The following DMD variants were observed in gnomAD, a reference collection of about 807,000 sequenced individuals.
The protein encoded by DMD is mutant dystrophin.
Under a neutral mutation model 330.1 loss-of-function variants are expected in DMD, and 63 were observed. That is an observed-to-expected ratio of 0.19 (90% confidence interval 0.16 to 0.24). The LOEUF (loss-of-function observed/expected upper bound fraction) is 0.24. Among genes scored for constraint, DMD ranks in the 10% least tolerant of loss-of-function variants. The pLI, the probability that DMD is intolerant of heterozygous loss-of-function variation, is 1.00. For missense variants in DMD, 3,344 were observed against 2,684.1 expected (o/e 1.25, Z -5.43); for synonymous variants, 1,223 against 959.8 (o/e 1.27, Z -5.07).
At chrX:32,523,396 A>T (rs928648593) in intron 17 of DMD, among the ~76,000 whole-genome samples, 1 of 112,099 alleles carries the variant, frequency 8.9e-6, no homozygotes, top group Non-Finnish European at 1.9e-5. Flanking sequence ...AGCCAGAATT[A>T]TAACTCTGTA....
At chrX:31,460,375 G>A (rs73212366) in intron 59 of DMD, among the ~76,000 whole-genome samples, 10,269 of 111,380 alleles carry the variant, frequency 0.092, 353 homozygotes, top group East Asian at 0.19. Flanking sequence ...TGGAGAAGCT[G>A]TTAGCTATTC....
intron 60 of DMD, among the ~76,000 whole-genome samples, chrX:31,439,331 G>T (rs892135197): frequency 6.3e-5 from 7 of 111,301 alleles, no homozygotes; most frequent in Non-Finnish European, 9.4e-5. Flanking sequence ...TGTCTTCTAG[G>T]TACACAGTAG....
chrX:33,134,441 A>G (rs1367026095), intron 1 of DMD, among the ~76,000 whole-genome samples: 1 of 112,357 alleles, frequency 8.9e-6, no homozygotes, highest in Non-Finnish European at 1.9e-5. Context: ...GTTCGCAGAC[A>G]TACTGCAGAA....
At chrX:32,679,267 A>G (rs1384756685) in intron 9 of DMD, among the ~76,000 whole-genome samples, 2 of 111,831 alleles carry the variant, frequency 1.8e-5, no homozygotes, top group Non-Finnish European at 3.8e-5. Context: ...AGGAAAGAAT[A>G]AAGATCAGAA....
intron 55 of DMD, among the ~76,000 whole-genome samples, chrX:31,516,948 A>T (rs776176941): frequency 2.7e-5 from 3 of 111,441 alleles, no homozygotes; most frequent in Non-Finnish European, 5.7e-5. Context: ...AACTCTGGTA[A>T]TACGTGATGC....
intron 51 of DMD, among the ~76,000 whole-genome samples, chrX:31,751,299 T>C (rs1315912751): frequency 4.5e-5 from 5 of 111,545 alleles, no homozygotes; most frequent in African/African-American, 1.6e-4. Flanking sequence ...AGTCTAGCCC[T>C]GTCCACATGT....
chrX:32,263,748 T>C (rs777615666), intron 43 of DMD, among the ~76,000 whole-genome samples: 1 of 111,786 alleles, frequency 8.9e-6, no homozygotes, highest in South Asian at 3.8e-4. Context: ...ATCCAGGATG[T>C]TGAATGGTAA....
chrX:31,205,607 C>G (rs763859310), intron 66 of DMD, among the ~76,000 whole-genome samples: 1 of 112,273 alleles, frequency 8.9e-6, no homozygotes, highest in Non-Finnish European at 1.9e-5. Context: ...CCCATCTCAT[C>G]CGAAATACAT....
At chrX:32,705,112 AC>A (rs1263559684) in intron 7 of DMD, among the ~76,000 whole-genome samples, 2 of 112,264 alleles carry the variant, frequency 1.8e-5, no homozygotes, top group Non-Finnish European at 3.8e-5. Flanking sequence ...TTCTCTACTT[AC>A]AAGTCACTAT....
At chrX:32,387,033 AAAGT>A (rs2097963432) in intron 32 of DMD, among the ~76,000 whole-genome samples, 1 of 110,726 alleles carries the variant, frequency 9.0e-6, no homozygotes, top group African/African-American at 3.3e-5. Flanking sequence ...CATATATAAG[AAAGT>A]AAGGTCCTTT....
intron 21 of DMD, among the ~76,000 whole-genome samples, chrX:32,482,446 T>G (rs969616319): frequency 3.6e-5 from 4 of 111,669 alleles, no homozygotes; most frequent in South Asian, 3.7e-4. Flanking sequence ...GCATAATGTC[T>G]TCAAGGGTAC....
intron 71 of DMD, among the ~76,000 whole-genome samples, chrX:31,175,456 T>C (rs1339708364): frequency 9.0e-5 from 10 of 111,125 alleles, no homozygotes; most frequent in Non-Finnish European, 1.7e-4. Flanking sequence ...TATCACAGCA[T>C]GCATAAGCAC....
At chrX:32,724,132 C>T (rs948772824) in intron 7 of DMD, among the ~76,000 whole-genome samples, 1 of 112,193 alleles carries the variant, frequency 8.9e-6, no homozygotes, top group African/African-American at 3.2e-5. Context: ...TGCAATTCTA[C>T]TTCTTGAGGA....
chrX:32,669,602 G>T (rs1033905731), intron 9 of DMD, among the ~76,000 whole-genome samples: 1 of 111,549 alleles, frequency 9.0e-6, no homozygotes, highest in African/African-American at 3.3e-5. Flanking sequence ...CCTGCAATGC[G>T]ATTCTATCAC....
chrX:32,483,164 TACACC>T (rs2042081896), intron 21 of DMD, among the ~76,000 whole-genome samples: 13 of 61,532 alleles, frequency 2.1e-4, no homozygotes, highest in East Asian at 7.1e-4. Context: ...TATATATATA[TACACC>T]ATATTTAATT....
intron 78 of DMD, among the ~76,000 whole-genome samples, chrX:31,125,308 C>T (rs1027101118): frequency 1.8e-4 from 20 of 112,080 alleles, no homozygotes; most frequent in Non-Finnish European, 3.0e-4. Flanking sequence ...CTCAATTTCT[C>T]CTCCCAGCCT....
intron 2 of DMD, among the ~76,000 whole-genome samples, chrX:32,883,823 C>CCAAAAAAAAAAAAAAAA (rs1169678184): frequency 2.3e-4 from 7 of 30,339 alleles, no homozygotes; most frequent in African/African-American, 1.0e-3. Context: ...GACTCTGTTT[C>CCAAAAAAAAAAAAAAAA]AAAAAAAAAA....
intron 13 of DMD, among the ~76,000 whole-genome samples, chrX:32,584,928 C>T (rs1024038907): frequency 1.8e-5 from 2 of 110,425 alleles, no homozygotes; most frequent in Non-Finnish European, 3.8e-5. Flanking sequence ...TAAAAAGTAC[C>T]ATAAAGTTTG....
At chrX:31,914,698 C>T (rs924208216) in intron 47 of DMD, among the ~76,000 whole-genome samples, 5 of 111,579 alleles carry the variant, frequency 4.5e-5, no homozygotes, top group African/African-American at 1.6e-4. Context: ...AACTCATGGA[C>T]ATAGAGAGTA....
Sources: allele counts gnomAD v4.1 joint callset (sites outside exome capture counted in the v4.1 genomes callset), GRCh38; gene constraint gnomAD v4.1.1; transcripts MANE v1.5; gene names NCBI Gene and HGNC (gene_info 2026-07-23, HGNC 2026-07-21).